Variants in RBMS3 observed in about 807,000 individuals in gnomAD.
The protein encoded by RBMS3 is RNA-binding motif, single-stranded-interacting protein 3.
In RBMS3, 27 loss-of-function variants were observed where a neutral mutation model predicts 66.8. The ratio of observed to expected loss-of-function variants is 0.40; its 90% CI spans 0.30 to 0.56. The LOEUF (loss-of-function observed/expected upper bound fraction) is 0.56, where lower values mean the gene tolerates loss of function less well. RBMS3 is among the 20% of genes least tolerant of loss of function. The pLI is 0.40. For missense variants in RBMS3, 513 were observed against 549.5 expected, an observed-to-expected ratio of 0.93 and a Z score of 0.66; for synonymous variants, 188 against 183.0, an observed-to-expected ratio of 1.03 and a Z score of -0.22.
At chr3:29,458,576 C>G (rs1425123768) in intron 2 of RBMS3, among the ~76,000 whole-genome samples, 1 of 152,088 alleles carries the variant, frequency 6.6e-6, no homozygotes, top group Non-Finnish European at 1.5e-5. Flanking sequence ...TGCTATTCAA[C>G]AGTTGTTATG....
chr3:29,796,830 G>A (rs1051921218), intron 6 of RBMS3, among the ~76,000 whole-genome samples: 1 of 148,028 alleles, frequency 6.8e-6, no homozygotes, highest in Non-Finnish European at 1.5e-5. Context: ...CTCCTGCCTC[G>A]GCCTCCAGAG....
chr3:29,590,797 A>G, intron 4 of RBMS3, among the ~76,000 whole-genome samples: 1 of 152,124 alleles, frequency 6.6e-6, no homozygotes, highest in East Asian at 1.9e-4. Flanking sequence ...GAAGAAGGCC[A>G]TAGATAGACA....
rs149177160 is a variant in RBMS3, at chr3:29,664,217, C to T, written c.400-75503C>T. Among the ~76,000 whole-genome samples the T allele has an allele frequency of 4.5e-3, 684 of 152,202 alleles. 6 individuals are homozygous for T. Among genetic ancestry groups the T allele is most frequent in the African/African-American group, 0.015 (633 of 41,512 alleles). Reference sequence around the variant, plus strand: ...AAAGTTAATCTTACTGGGCCAGGCACGGCGACGCATGCTTGTAATCCCAAC... The same window carrying T: ...AAAGTTAATCTTACTGGGCCAGGCATGGCGACGCATGCTTGTAATCCCAAC... On this transcript the variant is annotated intron_variant, in intron 4 of 14. Transcript: ENST00000383767.
intron 1 of RBMS3, among the ~76,000 whole-genome samples, chr3:29,316,670 C>T (rs1352759401): frequency 2.0e-5 from 3 of 151,284 alleles, no homozygotes. Flanking sequence ...AATTATATTA[C>T]AAAAACAGTT....
intron 10 of RBMS3, among the ~76,000 whole-genome samples, chr3:29,905,113 T>C (rs2060344778): frequency 6.6e-6 from 1 of 151,928 alleles, no homozygotes; most frequent in Non-Finnish European, 1.5e-5. Context: ...TTTTGTGAGC[T>C]ATATGGTCTG....
intron 11 of RBMS3, among the ~76,000 whole-genome samples, chr3:29,938,606 G>C (rs372755757): frequency 6.6e-6 from 1 of 151,884 alleles, no homozygotes; most frequent in Non-Finnish European, 1.5e-5. Flanking sequence ...CTAATTCTTC[G>C]ATATGCCTTC....
At position 29,991,174 on chromosome 3, in the gene RBMS3, C is replaced by T. The variant is rs535400850; in HGVS notation, c.1272C>T (p.Asn424=). Residue 424 remains asparagine (N), a synonymous_variant, in exon 14 of 15, where the codon AAC becomes AAT. Coordinates refer to ENST00000383767, the MANE Select transcript of RBMS3 (RefSeq NM_001003793.3). The stretch of plus-strand genomic sequence containing the variant: ...AACAGATAGCAGTGGACACATCCAA[C>T]GAACATGCACCTGCATATTCTTACC... ...QQQQIAVDTS[N]EHAPAYSYQQ... The T allele has an allele frequency of 3.4e-5, 55 of 1,614,106 alleles. No individual in the cohort carries two copies. The highest frequency in any genetic ancestry group is 8.8e-5 in the South Asian group (8 of 91,082).
intron 7 of RBMS3, chr3:29,880,881 C>T (rs2059721633): frequency 1.4e-6 from 2 of 1,453,350 alleles, no homozygotes; most frequent in Non-Finnish European, 1.9e-6. Context: ...AGATTCTCTC[C>T]ACCTCCCTCT....
chr3:29,967,486 G>A (rs781174152), intron 12 of RBMS3, among the ~76,000 whole-genome samples: 3 of 152,022 alleles, frequency 2.0e-5, no homozygotes, highest in South Asian at 2.1e-4. Context: ...TAGTAGAGAC[G>A]GGATTTCACC....
chr3:29,364,748 A>G (rs1403048119), intron 1 of RBMS3, among the ~76,000 whole-genome samples: 3 of 152,202 alleles, frequency 2.0e-5, no homozygotes, highest in Non-Finnish European at 4.4e-5. Flanking sequence ...GAAAGTCATT[A>G]GAATAATAAA....
chr3:29,470,729 A>ATG (rs2042695489), intron 2 of RBMS3, among the ~76,000 whole-genome samples: 1 of 152,100 alleles, frequency 6.6e-6, no homozygotes, highest in African/African-American at 2.4e-5. Context: ...CCCTGGAATG[A>ATG]AGATATACTT....
At chr3:29,368,180 A>G (rs1471058350) in intron 1 of RBMS3, among the ~76,000 whole-genome samples, 3 of 152,148 alleles carry the variant, frequency 2.0e-5, no homozygotes, top group African/African-American at 2.4e-5. Context: ...TTATCCTGAA[A>G]TAGCTTACCA....
At chr3:29,887,586 T>C (rs537431298) in intron 8 of RBMS3, among the ~76,000 whole-genome samples, 7 of 151,886 alleles carry the variant, frequency 4.6e-5, no homozygotes, top group Admixed American at 2.6e-4. Flanking sequence ...CAATTAAACC[T>C]CTATTCCTTT....
At chr3:29,836,928 A>G (rs2058524537) in intron 6 of RBMS3, among the ~76,000 whole-genome samples, 3 of 151,976 alleles carry the variant, frequency 2.0e-5, no homozygotes, top group South Asian at 4.1e-4. Context: ...AAACTAGCCT[A>G]TACATTTTGG....
chr3:29,572,127 A>G (rs1006459857), intron 3 of RBMS3, among the ~76,000 whole-genome samples: 5 of 152,252 alleles, frequency 3.3e-5, no homozygotes, highest in African/African-American at 1.2e-4. Context: ...TTGATCTTGT[A>G]TCCTTCAACT....
chr3:29,411,833 G>A (rs1039630115), intron 1 of RBMS3, among the ~76,000 whole-genome samples: 1 of 152,178 alleles, frequency 6.6e-6, no homozygotes, highest in Non-Finnish European at 1.5e-5. Flanking sequence ...ATTGACTGGA[G>A]TTTTTATTGT....
chr3:29,373,092 C>G (rs1471418506), intron 1 of RBMS3, among the ~76,000 whole-genome samples: 1 of 152,118 alleles, frequency 6.6e-6, no homozygotes, highest in Non-Finnish European at 1.5e-5. Flanking sequence ...CTTGAAATTA[C>G]TTTCTGAATT....
At chr3:29,830,843 C>T (rs542322573) in intron 6 of RBMS3, among the ~76,000 whole-genome samples, 10 of 152,176 alleles carry the variant, frequency 6.6e-5, no homozygotes, top group Admixed American at 1.3e-4. Context: ...ATCTTAAACA[C>T]CCAACAGAAA....
chr3:29,829,681 T>C (rs1403492098), intron 6 of RBMS3, among the ~76,000 whole-genome samples: 5 of 152,184 alleles, frequency 3.3e-5, no homozygotes, highest in African/African-American at 1.2e-4. Flanking sequence ...CTAGAGTTGA[T>C]GCTGATGAAA....
Sources: allele counts gnomAD v4.1 joint callset (sites outside exome capture counted in the v4.1 genomes callset), GRCh38; gene constraint gnomAD v4.1.1; transcripts MANE v1.5; gene names NCBI Gene and HGNC (gene_info 2026-07-23, HGNC 2026-07-21).